The following DCBLD1 variants were observed in gnomAD, a reference collection of about 807,000 sequenced individuals.
DCBLD1 encodes discoidin, CUB and LCCL domain containing 1, also known as discoidin, CUB and LCCL domain-containing protein 1.
In DCBLD1, 57 loss-of-function variants were observed where a neutral mutation model predicts 71.5. The ratio of observed to expected loss-of-function variants is 0.80; its 90% CI spans 0.64 to 0.99. DCBLD1 has a LOEUF of 0.99. DCBLD1 is among the 50% of genes least tolerant of loss of function. The pLI, the probability that DCBLD1 is intolerant of heterozygous loss-of-function variation, is 0.00. For missense variants in DCBLD1, 891 were observed against 923.5 expected (o/e 0.96, Z 0.46); for synonymous variants, 380 against 363.8 (o/e 1.04, Z -0.51).
chr6:117,508,490 A>G lies in DCBLD1; in HGVS notation c.325+4511A>G, dbSNP rs552915548. 5.9e-5 allele frequency among the ~76,000 whole-genome samples: 9 copies of G among 152,328 alleles called. No individual in the cohort carries two copies. In the South Asian group the frequency reaches 1.9e-3, roughly 32 times the overall value. ...TAAATATATAATGTTGTATTTATTT[A>G]TAACACTGAAGAGGGAAGACTTTGC... On this transcript the variant is annotated intron_variant, in intron 2 of 14. Coordinates refer to ENST00000338728, the MANE Select transcript of DCBLD1 (RefSeq NM_001366458.2).
At chr6:117,498,934 T>C (rs1394058170) in intron 1 of DCBLD1, among the ~76,000 whole-genome samples, 2 of 152,176 alleles carry the variant, frequency 1.3e-5, no homozygotes, top group African/African-American at 4.8e-5. Flanking sequence ...AGGTTGGTTT[T>C]TCAAATCAGG....
At chr6:117,513,891 TAA>T (rs1778104589) in intron 2 of DCBLD1, among the ~76,000 whole-genome samples, 1 of 137,588 alleles carries the variant, frequency 7.3e-6, no homozygotes, top group African/African-American at 2.7e-5. Context: ...AGATCCTTTT[TAA>T]AAGTCAGGAG....
At position 117,548,688 on chromosome 6, in the gene DCBLD1, A is replaced by T; in HGVS notation, c.*249A>T. The T allele has an allele frequency of 7.1e-7, 1 of 1,401,438 alleles. No homozygotes were observed. Among genetic ancestry groups the T allele is most frequent in the East Asian group, 2.7e-5 (1 of 37,102 alleles). The allele number at this position is 1,401,438 out of a possible 1,614,324, so 86.8% of individuals were successfully genotyped here. A position where few individuals can be genotyped will look rare whatever the true frequency, so the allele number is the denominator to read the frequency against. ...TTGGGCTAGAAAAATGAAAATTTTC[A>T]GATGGCGTTTTCATTCCTCTGACTG... On this transcript the variant is annotated 3_prime_UTR_variant, in exon 15 of 15. Transcript: ENST00000338728.
rs574896023 is a variant in DCBLD1, at chr6:117,507,003, A to C, written c.325+3024A>C. ...ATTAACCAACTAATTGTTAAAACCCACTGCCAAAGGATTTTAAAACTTAAA... is the reference window on the plus strand; with the variant it reads ...ATTAACCAACTAATTGTTAAAACCCCCTGCCAAAGGATTTTAAAACTTAAA... On this transcript the variant is annotated intron_variant, in intron 2 of 14. Transcript: ENST00000338728. Among the ~76,000 whole-genome samples the C allele has an allele frequency of 3.9e-5, 6 of 152,322 alleles. No individual in the cohort carries two copies. The South Asian group carries it at 1.2e-3, about 32-fold the overall frequency.
intron 1 of DCBLD1, among the ~76,000 whole-genome samples, chr6:117,483,344 C>T (rs971441175): frequency 5.9e-5 from 9 of 152,218 alleles, no homozygotes; most frequent in Non-Finnish European, 1.3e-4. Context: ...GCCCTGCCCT[C>T]CCTGCCGTCG....
intron 4 of DCBLD1, among the ~76,000 whole-genome samples, chr6:117,523,872 T>C (rs1264991743): frequency 1.3e-5 from 2 of 152,198 alleles, no homozygotes; most frequent in East Asian, 3.8e-4. Context: ...TTATGTAAAG[T>C]GGTGTCTATA....
At chr6:117,486,435 G>A (rs1777087523) in intron 1 of DCBLD1, among the ~76,000 whole-genome samples, 3 of 152,122 alleles carry the variant, frequency 2.0e-5, no homozygotes, top group Admixed American at 2.0e-4. Context: ...ATTCATTACT[G>A]TTTATTACTA....
chr6:117,485,891 A>G (rs751160673), intron 1 of DCBLD1, among the ~76,000 whole-genome samples: 11 of 152,270 alleles, frequency 7.2e-5, no homozygotes, highest in Non-Finnish European at 1.6e-4. Flanking sequence ...AGAAGGGAAC[A>G]TGCCAGCAGA....
intron 1 of DCBLD1, among the ~76,000 whole-genome samples, chr6:117,499,566 A>G (rs1777584406): frequency 6.6e-6 from 1 of 152,180 alleles, no homozygotes; most frequent in Admixed American, 6.5e-5. Context: ...TAACCTTTTT[A>G]TTTTCAGATC....
At position 117,567,373 on chromosome 6, in the gene DCBLD1, G is replaced by T. The variant is rs1472706174; in HGVS notation, c.1616-2247G>T. Among the ~76,000 whole-genome samples the T allele has an allele frequency of 2.0e-5, 3 of 152,082 alleles. No homozygotes were observed. In the East Asian group the frequency reaches 5.8e-4, roughly 29 times the overall value. The stretch of plus-strand genomic sequence containing the variant: ...CAGTTTTAAAGTTATTTGCTACTTT[G>T]TACTGCACACAGCAATTCAGCAAAT... On this transcript the variant is annotated intron_variant, in intron 14 of 14. Coordinates refer to the DCBLD1 transcript ENST00000296955.
At chr6:117,538,967 T>C in intron 8 of DCBLD1, 132 bp downstream of exon 8, 1 of 994,460 alleles carries the variant, frequency 1.0e-6, no homozygotes, top group Non-Finnish European at 1.5e-6. Context: ...TATTTGAAAA[T>C]GTAACAAATC....
Position 117,503,831 on chromosome 6 carries a change from C to T in DCBLD1, c.177C>T (p.Pro59=), listed in dbSNP as rs759068929. 5.5e-5 allele frequency: 89 copies of T among 1,613,872 alleles called. No individual in the cohort carries two copies. The highest frequency in any genetic ancestry group is 6.7e-5 in the East Asian group (3 of 44,884). Residue 59 remains proline, a synonymous_variant, in exon 2 of 15, where the codon CCC becomes CCT. Transcript: ENST00000338728. ...DSGTMTSKNY[P]GTYPNHTVCE... is the part of the protein sequence containing the mutation. ...GCACAATGACATCTAAGAATTATCC[C>T]GGGACCTACCCCAATCACACTGTTT...
At chr6:117,564,679 CAT>C (rs538408434) in intron 14 of DCBLD1, among the ~76,000 whole-genome samples, 111 of 152,112 alleles carry the variant, frequency 7.3e-4, no homozygotes, top group African/African-American at 2.6e-3. Flanking sequence ...CTGCAATTTG[CAT>C]ATGTGACAGA....
intron 5 of DCBLD1, among the ~76,000 whole-genome samples, chr6:117,528,654 C>T (rs1778618556): frequency 6.6e-6 from 1 of 152,198 alleles, no homozygotes; most frequent in Non-Finnish European, 1.5e-5. Flanking sequence ...TGCCATCCAC[C>T]TGCAATTGCC....
At chr6:117,560,369 TAAACTC>T (rs764478252) in intron 14 of DCBLD1, 3 of 182,774 alleles carry the variant, frequency 1.6e-5, no homozygotes, top group Non-Finnish European at 3.5e-5. Flanking sequence ...AAAAAAATAT[TAAACTC>T]AACTAGATAT....
At chr6:117,505,071 A>G (rs1045996622) in intron 2 of DCBLD1, among the ~76,000 whole-genome samples, 2 of 152,188 alleles carry the variant, frequency 1.3e-5, no homozygotes, top group African/African-American at 4.8e-5. Flanking sequence ...AAAAGATCTA[A>G]GATTGTTTTT....
At chr6:117,558,290 T>G (rs1395410168) in intron 14 of DCBLD1, among the ~76,000 whole-genome samples, 4 of 152,140 alleles carry the variant, frequency 2.6e-5, no homozygotes, top group Non-Finnish European at 4.4e-5. Flanking sequence ...GCTGCCCCCC[T>G]CCATCCATTT....
In DCBLD1 at chr6:117,548,191, C is replaced by T. The variant is rs1277081443; in HGVS notation, c.1900C>T (p.Leu634Phe). Residue 634 changes from leucine (L) to phenylalanine (F), a missense_variant, in exon 15 of 15, where the codon CTC becomes TTC. Transcript: ENST00000338728. ...PGPQPGHKHSLSSGGFSPVAG... is the reference protein window; with the variant it reads ...PGPQPGHKHSFSSGGFSPVAG... Reference sequence around the variant, plus strand: ...GCCCCAGCCCGGCCACAAACACTCCCTCTCCTCGGGCGGCTTCTCCCCCGT... The same window carrying T: ...GCCCCAGCCCGGCCACAAACACTCCTTCTCCTCGGGCGGCTTCTCCCCCGT... 1.2e-5 allele frequency: 19 copies of T among 1,550,316 alleles called. No individual in the cohort carries two copies. The highest frequency in any genetic ancestry group is 2.0e-5 in the Admixed American group (1 of 50,984).
chr6:117,509,150 G>A (rs892406408), intron 2 of DCBLD1, among the ~76,000 whole-genome samples: 2 of 152,152 alleles, frequency 1.3e-5, no homozygotes, highest in Admixed American at 6.5e-5. Flanking sequence ...AAAATGGGCA[G>A]GCCAGGTGCG....
Sources: gnomAD v4.1 joint callset for allele counts (sites outside exome capture counted in the v4.1 genomes callset) on GRCh38, gnomAD v4.1.1 for gene constraint, MANE v1.5 for transcripts, NCBI Gene and HGNC (gene_info 2026-07-23, HGNC 2026-07-21) for gene names.